The following TMEM72 variants were observed in gnomAD, a reference collection of about 807,000 sequenced individuals.
The protein encoded by TMEM72 is transmembrane protein 72.
In TMEM72, 9 loss-of-function variants were observed where a neutral mutation model predicts 16.3. The observed-to-expected ratio is 0.55, with a 90% confidence interval of 0.33 to 0.96. The LOEUF (loss-of-function observed/expected upper bound fraction) is 0.96. TMEM72 is among the 40% of genes least tolerant of loss of function. The probability of loss-of-function intolerance (pLI) is 0.03; values close to 1 mark genes in which losing one functional copy is unlikely to be tolerated. For synonymous variants in TMEM72, 160 were observed against 146.5 expected (o/e 1.09, Z -0.66); for missense variants, 324 against 337.8 (o/e 0.96, Z 0.32).
intron 2 of TMEM72, among the ~76,000 whole-genome samples, chr10:44,928,446 TCACC>T (rs1367048761): frequency 6.7e-6 from 1 of 149,068 alleles, no homozygotes; most frequent in Non-Finnish European, 1.5e-5. Context: ...ATCCATCTAT[TCACC>T]CACCCATCTA....
At chr10:44,913,742 C>T (rs961911896) in intron 1 of TMEM72, among the ~76,000 whole-genome samples, 1 of 152,226 alleles carries the variant, frequency 6.6e-6, no homozygotes, top group African/African-American at 2.4e-5. Context: ...CACTGAACTC[C>T]TGGCCTATTT....
intron 2 of TMEM72, among the ~76,000 whole-genome samples, chr10:44,928,763 C>CATCT (rs138800621): frequency 1.6e-5 from 2 of 124,660 alleles, no homozygotes; most frequent in Non-Finnish European, 3.5e-5. Context: ...TCTATCTACC[C>CATCT]ATCTATCTAT....
At chr10:44,914,743 T>C (rs1214280691) in intron 1 of TMEM72, among the ~76,000 whole-genome samples, 1 of 151,878 alleles carries the variant, frequency 6.6e-6, no homozygotes, top group Non-Finnish European at 1.5e-5. Flanking sequence ...TCCTGGGAAA[T>C]GGATTTAACT....
In TMEM72 at chr10:44,935,210, T is replaced by C. The variant is rs1840380901; in HGVS notation, c.*76T>C. On this transcript the variant is annotated 3_prime_UTR_variant, in exon 5 of 5. Coordinates refer to ENST00000389583, the MANE Select transcript of TMEM72 (RefSeq NM_001123376.3). ...TGGCCCTCCCTGGAGTTTCAGGGTC[T>C]TCTCTGGTCAGCTTTTCAAGGGGTA... 7.1e-7 allele frequency: 1 copy of C among 1,412,836 alleles called. No individual in the cohort carries two copies. The allele number at this position is 1,412,836 out of a possible 1,614,324, so 87.5% of individuals were successfully genotyped here. A position where few individuals can be genotyped will look rare whatever the true frequency, so the allele number is the denominator to read the frequency against.
chr10:44,925,310 C>G (rs537570339), intron 1 of TMEM72, among the ~76,000 whole-genome samples: 1 of 152,368 alleles, frequency 6.6e-6, no homozygotes, highest in African/African-American at 2.4e-5. Context: ...TCTCCACATG[C>G]CAAACAGGTG....
At chr10:44,919,015 G>A (rs762623352) in intron 1 of TMEM72, among the ~76,000 whole-genome samples, 28 of 152,258 alleles carry the variant, frequency 1.8e-4, no homozygotes, top group Admixed American at 1.0e-3. Context: ...TATAGCAGCC[G>A]AAATGGACTA....
intron 1 of TMEM72, among the ~76,000 whole-genome samples, chr10:44,914,794 A>G (rs1370375995): frequency 6.6e-6 from 1 of 152,200 alleles, no homozygotes; most frequent in Non-Finnish European, 1.5e-5. Flanking sequence ...CTCCCCTGTG[A>G]GATGAGAAAG....
In TMEM72 at chr10:44,936,984, G is replaced by A. The variant is rs1291148670; in HGVS notation, c.*1850G>A. The A allele has an allele frequency of 2.0e-5, 3 of 152,226 alleles. No individual in the cohort carries two copies. The highest frequency in any genetic ancestry group is 4.8e-5 in the African/African-American group (2 of 41,454). 9.4% of individuals were successfully genotyped at this position (152,226 alleles called of 1,614,324 possible). ...TGTGATGGCAGAGATGTCAGATCCCGTTTAATAAACACTTCAGTAAACCCA... is the reference window on the plus strand; with the variant it reads ...TGTGATGGCAGAGATGTCAGATCCCATTTAATAAACACTTCAGTAAACCCA... On this transcript the variant is annotated 3_prime_UTR_variant, in exon 5 of 5. Transcript: ENST00000389583.
chr10:44,926,727 C>T (rs1018797075), intron 1 of TMEM72, among the ~76,000 whole-genome samples: 8 of 152,310 alleles, frequency 5.3e-5, no homozygotes, highest in Middle Eastern at 3.4e-3. Context: ...ACCGCCTCTT[C>T]TCACCTGCCT....
intron 3 of TMEM72, among the ~76,000 whole-genome samples, chr10:44,932,858 C>A (rs564936581): frequency 6.6e-6 from 1 of 152,224 alleles, no homozygotes; most frequent in Non-Finnish European, 1.5e-5. Context: ...ACCACACACA[C>A]GCAGGAATGG....
intron 1 of TMEM72, among the ~76,000 whole-genome samples, chr10:44,918,021 A>C (rs989854868): frequency 6.6e-6 from 1 of 152,200 alleles, no homozygotes; most frequent in Admixed American, 6.5e-5. Flanking sequence ...CCTCACAATC[A>C]TGGTAGAAGG....
intron 1 of TMEM72, among the ~76,000 whole-genome samples, chr10:44,921,326 G>A (rs1840095458): frequency 6.6e-6 from 1 of 152,170 alleles, no homozygotes; most frequent in Non-Finnish European, 1.5e-5. Context: ...GGAGCCTGAG[G>A]TGGGATAATA....
chr10:44,932,134 A>T (rs541057377), intron 3 of TMEM72, 65 bp downstream of exon 3: 1 of 1,534,262 alleles, frequency 6.5e-7, no homozygotes, highest in East Asian at 2.3e-5. Context: ...AGATGTCTCC[A>T]CCCAAGAGCC....
chr10:44,927,241 T>C (rs1336082110), intron 1 of TMEM72, among the ~76,000 whole-genome samples: 1 of 152,080 alleles, frequency 6.6e-6, no homozygotes, highest in African/African-American at 2.4e-5. Flanking sequence ...TGGGAAGCCA[T>C]GGGAGCCAGC....
intron 1 of TMEM72, among the ~76,000 whole-genome samples, chr10:44,916,787 T>C (rs909258201): frequency 7.2e-5 from 11 of 152,140 alleles, no homozygotes; most frequent in African/African-American, 2.7e-4. Flanking sequence ...GCAATAGGAT[T>C]TGGTTCAAAC....
At chr10:44,932,223 G>A (rs531057249) in intron 3 of TMEM72, among the ~76,000 whole-genome samples, 154 bp downstream of exon 3, 1 of 152,378 alleles carries the variant, frequency 6.6e-6, no homozygotes, top group South Asian at 2.1e-4. Flanking sequence ...CTGGCCTGGA[G>A]GTGGGCACAG....
intron 2 of TMEM72, among the ~76,000 whole-genome samples, chr10:44,931,403 G>C (rs1290056790): frequency 6.6e-6 from 1 of 152,220 alleles, no homozygotes; most frequent in African/African-American, 2.4e-5. Context: ...TGTATCAGGA[G>C]GAACATGATC....
In TMEM72 at chr10:44,934,882, G is replaced by C; in HGVS notation, c.576G>C (p.Gly192=). The part of the protein sequence containing the change: ...LFIHMKSILK[G]TKKPSALQPP... ...TCCACATGAAGAGTATCCTGAAGGGGACTAAGAAGCCCAGTGCCCTCCAGC... is the reference window on the plus strand; with the variant it reads ...TCCACATGAAGAGTATCCTGAAGGGCACTAAGAAGCCCAGTGCCCTCCAGC... The change falls in exon 5 of 5, where the codon GGG becomes GGC. Residue 192 remains glycine (G), a synonymous_variant. Coordinates refer to ENST00000389583, the MANE Select transcript of TMEM72 (RefSeq NM_001123376.3). The C allele has an allele frequency of 3.7e-6, 6 of 1,613,522 alleles. No individual in the cohort carries two copies. In the South Asian group the frequency reaches 5.5e-5, roughly 15 times the overall value.
At chr10:44,920,796 C>T (rs1026925731) in intron 1 of TMEM72, among the ~76,000 whole-genome samples, 3 of 152,200 alleles carry the variant, frequency 2.0e-5, no homozygotes, top group African/African-American at 7.2e-5. Context: ...TTATTTTCCC[C>T]ATTTTCCAGA....
Sources: gnomAD v4.1 joint callset for allele counts (sites outside exome capture counted in the v4.1 genomes callset) on GRCh38, gnomAD v4.1.1 for gene constraint, MANE v1.5 for transcripts, NCBI Gene and HGNC (gene_info 2026-07-23, HGNC 2026-07-21) for gene names.